Variants in NAALADL2 observed in about 807,000 individuals in gnomAD.
The protein encoded by NAALADL2 is N-acetylated alpha-linked acidic dipeptidase like 2.
Under a neutral mutation model 87.2 loss-of-function variants are expected in NAALADL2, and 76 were observed. That is an observed-to-expected ratio of 0.87 (90% CI 0.72 to 1.05). The LOEUF is 1.05. Among genes scored for constraint, NAALADL2 ranks in the 50% least tolerant of loss-of-function variants. The pLI, the probability that NAALADL2 is intolerant of heterozygous loss-of-function variation, is 0.00. For missense variants in NAALADL2, 1,089 were observed against 945.8 expected, an observed-to-expected ratio of 1.15 and a Z score of -1.99; for synonymous variants, 354 against 331.0, an observed-to-expected ratio of 1.07 and a Z score of -0.75.
intron 1 of NAALADL2, among the ~76,000 whole-genome samples, chr3:175,034,142 G>A (rs1381042570): frequency 6.6e-6 from 1 of 152,000 alleles, no homozygotes; most frequent in African/African-American, 2.4e-5. Context: ...GTATGTTTAG[G>A]ATCTGATTCA....
intron 1 of NAALADL2, among the ~76,000 whole-genome samples, chr3:175,087,603 C>T (rs965240224): frequency 6.6e-6 from 1 of 152,150 alleles, no homozygotes; most frequent in Admixed American, 6.5e-5. Flanking sequence ...AATCTATAAC[C>T]TTACTCCCAA....
intron 1 of NAALADL2, among the ~76,000 whole-genome samples, chr3:174,530,499 T>C (rs766746482): frequency 6.6e-6 from 1 of 152,188 alleles, no homozygotes; most frequent in African/African-American, 2.4e-5. Flanking sequence ...AGTACGAATT[T>C]ACTGTGTTAG....
At chr3:174,707,047 CTCA>C (rs1248746696) in intron 2 of NAALADL2, among the ~76,000 whole-genome samples, 1 of 152,148 alleles carries the variant, frequency 6.6e-6, no homozygotes, top group Non-Finnish European at 1.5e-5. Context: ...TGAAAAAATG[CTCA>C]TCATCACTGG....
Position 175,810,103 on chromosome 3 carries a change from T to C in NAALADL2, c.*6900T>C, listed in dbSNP as rs939365025. On this transcript the variant is annotated 3_prime_UTR_variant, in exon 14 of 14. Transcript: ENST00000454872. The stretch of plus-strand genomic sequence containing the variant: ...ACAGAGATTTCATTGTCATTGTCGT[T>C]GTTGTTAACTGATTTTTAATGATAT... 2 of 152,150 alleles carry C rather than the reference T, an allele frequency of 1.3e-5. No homozygotes were observed. The allele number at this position is 152,150 out of a possible 1,614,324, so 9.4% of individuals were successfully genotyped here.
intron 3 of NAALADL2, among the ~76,000 whole-genome samples, chr3:175,248,732 T>C (rs940723208): frequency 6.6e-6 from 1 of 152,182 alleles, no homozygotes; most frequent in Non-Finnish European, 1.5e-5. Flanking sequence ...TCCCTATGTG[T>C]TCTTATCTGC....
intron 2 of NAALADL2, among the ~76,000 whole-genome samples, chr3:174,617,713 GTGGTGCTGCATAAAA>G (rs1219633799): frequency 6.6e-6 from 1 of 151,744 alleles, no homozygotes; most frequent in Non-Finnish European, 1.5e-5. Flanking sequence ...AAAGGCATTT[GTGGTGCTGCATAAAA>G]TGGTGCTGAT....
intron 2 of NAALADL2, among the ~76,000 whole-genome samples, chr3:174,569,815 T>C (rs1481242096): frequency 2.0e-5 from 3 of 152,210 alleles, no homozygotes; most frequent in East Asian, 1.9e-4. Flanking sequence ...GTTTTGGGAA[T>C]TGTTTAGCCT....
At chr3:175,076,939 G>T (rs961651027) in intron 1 of NAALADL2, among the ~76,000 whole-genome samples, 13 of 152,106 alleles carry the variant, frequency 8.5e-5, no homozygotes, top group African/African-American at 3.1e-4. Context: ...ATGATAATTG[G>T]CATATGGTGT....
chr3:175,089,060 A>G (rs565847997), intron 1 of NAALADL2, among the ~76,000 whole-genome samples: 1 of 152,324 alleles, frequency 6.6e-6, no homozygotes, highest in African/African-American at 2.4e-5. Flanking sequence ...AGAAGAGACA[A>G]TAAAGTAGAG....
chr3:175,135,197 C>T (rs1215838924), intron 2 of NAALADL2, among the ~76,000 whole-genome samples: 1 of 152,098 alleles, frequency 6.6e-6, no homozygotes, highest in Non-Finnish European at 1.5e-5. Flanking sequence ...GATTTCTCCA[C>T]TGGGAGGAAT....
chr3:175,164,277 G>GTA (rs147008125), intron 2 of NAALADL2, among the ~76,000 whole-genome samples: 110 of 150,248 alleles, frequency 7.3e-4, no homozygotes, highest in Middle Eastern at 3.4e-3. Context: ...GTATATATGT[G>GTA]TATATATATA....
intron 1 of NAALADL2, among the ~76,000 whole-genome samples, chr3:175,056,268 G>T (rs1165387532): frequency 6.6e-6 from 1 of 152,124 alleles, no homozygotes; most frequent in Non-Finnish European, 1.5e-5. Context: ...AACCTCTTCT[G>T]TTACTTGGTT....
intron 11 of NAALADL2, among the ~76,000 whole-genome samples, chr3:175,685,992 C>G (rs1398786990): frequency 6.6e-6 from 1 of 152,148 alleles, no homozygotes; most frequent in Admixed American, 6.5e-5. Flanking sequence ...GCAAACTAAC[C>G]ATCACAATGT....
chr3:174,481,607 A>T (rs1717558336), intron 1 of NAALADL2, among the ~76,000 whole-genome samples: 2 of 152,008 alleles, frequency 1.3e-5, no homozygotes, highest in African/African-American at 4.8e-5. Flanking sequence ...AGTTTTGATG[A>T]CTTGCTAGGA....
At chr3:174,702,464 A>G (rs1003820468) in intron 2 of NAALADL2, among the ~76,000 whole-genome samples, 3 of 152,208 alleles carry the variant, frequency 2.0e-5, no homozygotes, top group African/African-American at 7.2e-5. Flanking sequence ...ATCAGCAGGT[A>G]CAAAAAATGT....
chr3:174,734,457 C>G (rs953148047), intron 2 of NAALADL2, among the ~76,000 whole-genome samples: 2 of 152,142 alleles, frequency 1.3e-5, no homozygotes, highest in Non-Finnish European at 2.9e-5. Context: ...GATCAAAGTT[C>G]CAACCAGTTT....
intron 1 of NAALADL2, among the ~76,000 whole-genome samples, chr3:175,028,729 T>C (rs1421838938): frequency 6.6e-6 from 1 of 151,960 alleles, no homozygotes; most frequent in Non-Finnish European, 1.5e-5. Flanking sequence ...AAAAGATATA[T>C]TTCAGGATCT....
At chr3:174,670,473 G>A (rs1024754722) in intron 2 of NAALADL2, among the ~76,000 whole-genome samples, 1 of 151,440 alleles carries the variant, frequency 6.6e-6, no homozygotes, top group Non-Finnish European at 1.5e-5. Flanking sequence ...TATTTCTTTG[G>A]GTTTGTAATT....
intron 11 of NAALADL2, among the ~76,000 whole-genome samples, chr3:175,709,110 A>C (rs778466410): frequency 4.6e-5 from 7 of 152,080 alleles, no homozygotes; most frequent in Non-Finnish European, 7.4e-5. Context: ...CCAGTTCTAC[A>C]GGGGCCATCG....
Sources: allele counts gnomAD v4.1 joint callset (sites outside exome capture counted in the v4.1 genomes callset), GRCh38; gene constraint gnomAD v4.1.1; transcripts MANE v1.5; gene names NCBI Gene and HGNC (gene_info 2026-07-23, HGNC 2026-07-21).